Variants in ARNT observed in about 807,000 individuals in gnomAD.
The protein encoded by ARNT is aryl hydrocarbon receptor nuclear translocator, also known as class E basic helix-loop-helix protein 2.
In ARNT, 30 loss-of-function variants were observed where a neutral mutation model predicts 105.0. That is an observed-to-expected ratio of 0.29 (90% CI 0.21 to 0.39). The LOEUF (loss-of-function observed/expected upper bound fraction) is 0.39. Ranked by LOEUF, ARNT falls within the 10% of genes least tolerant of loss-of-function variation. The pLI, the probability that ARNT is intolerant of heterozygous loss-of-function variation, is 1.00. For missense variants in ARNT, 748 were observed against 978.7 expected (o/e 0.76, Z 3.15); for synonymous variants, 304 against 344.0 (o/e 0.88, Z 1.29).
At chr1:150,869,367 C>T (rs1667103281) in intron 1 of ARNT, among the ~76,000 whole-genome samples, 2 of 151,876 alleles carry the variant, frequency 1.3e-5, no homozygotes, top group Admixed American at 1.3e-4. Flanking sequence ...GTCCCAGCTA[C>T]TCGCGAGGAT....
At chr1:150,855,571 T>A (rs956050735) in intron 2 of ARNT, among the ~76,000 whole-genome samples, 11 of 151,376 alleles carry the variant, frequency 7.3e-5, no homozygotes, top group African/African-American at 1.7e-4. Context: ...CAAAAAAAAA[T>A]AAATAAAAAT....
Position 150,826,609 on chromosome 1 carries a change from T to G in ARNT, c.1176A>C (p.Leu392Phe). Residue 392 changes from leucine to phenylalanine, a missense_variant, in exon 13 of 22, where the codon TTA becomes TTC. By Grantham distance (22) the Leu-to-Phe change is conservative (BLOSUM62 0). Around this residue, in one of 4 missense-constraint regions of ARNT, gnomAD observed 291 missense variants for 444.6 expected, o/e 0.65. Transcript: ENST00000358595. ...GACAGAATTCTACAATATTCTTTCC[T>G]AAGAGTTCCTAGAATACAGAAAGAA... ...ATVGYQPQELLGKNIVEFCHP... is the reference protein window; with the variant it reads ...ATVGYQPQELFGKNIVEFCHP... 6.2e-7 allele frequency: 1 copy of G among 1,609,650 alleles called. No individual in the cohort carries two copies. The highest frequency in any genetic ancestry group is 8.5e-7 in the Non-Finnish European group (1 of 1,176,634).
At chr1:150,839,760 C>T in intron 5 of ARNT, 106 bp from the exon 6 acceptor site, 1 of 1,191,516 alleles carries the variant, frequency 8.4e-7, no homozygotes. Context: ...ATGTGGTATT[C>T]AGATTTAGTG....
intron 3 of ARNT, among the ~76,000 whole-genome samples, chr1:150,851,549 T>C (rs1205835331): frequency 6.6e-6 from 1 of 152,216 alleles, no homozygotes; most frequent in Non-Finnish European, 1.5e-5. Flanking sequence ...TGTTGATCTA[T>C]GACCTTACCC....
Position 150,849,891 on chromosome 1 carries a change from C to T in ARNT, c.182+2871G>A, listed in dbSNP as rs752462701. Among the ~76,000 whole-genome samples, 9 of 152,038 alleles carry T rather than the reference C, an allele frequency of 5.9e-5. No homozygotes were observed. In the East Asian group the frequency reaches 7.7e-4, roughly 13 times the overall value. ...ACCAGTCTGGCTAACATGGTGAAAC[C>T]CCGTCTCTACTAAAAATACAAAAAT... On this transcript the variant is annotated intron_variant, in intron 3 of 21. Coordinates refer to ENST00000358595, the MANE Select transcript of ARNT (RefSeq NM_001668.4).
rs587745632 is a variant in ARNT at position 150,837,877 on chromosome 1, G to A, written c.487-1384C>T. 6.1e-4 allele frequency among the ~76,000 whole-genome samples: 92 copies of A among 150,766 alleles called. No individual in the cohort carries two copies. The Middle Eastern group carries it at 0.01, about 17-fold the overall frequency. On this transcript the variant is annotated intron_variant, in intron 6 of 21. Transcript: ENST00000358595. ...TCCCTCTTAAAAAAAAAAACCTGCC[G>A]TGCTCTTCCAATATTCTTAACAGCA...
intron 13 of ARNT, among the ~76,000 whole-genome samples, chr1:150,824,698 G>A (rs1209313992): frequency 1.3e-5 from 2 of 151,676 alleles, no homozygotes. Context: ...CAAATGATCC[G>A]CCTGCCTTGG....
chr1:150,816,825 T>C lies in ARNT; in HGVS notation c.1765A>G (p.Thr589Ala). The C allele has an allele frequency of 1.3e-6, 2 of 1,589,770 alleles. No homozygotes were observed. The highest frequency in any genetic ancestry group is 2.2e-5 in the East Asian group (1 of 44,794). The stretch of plus-strand genomic sequence containing the variant: ...GCCGGCCGGGGGGTAGGAGGGAATG[T>C]GTTGCCCTGGGAGAATAGCTGTTGG... ...ATQQLFSQGN[T>A]FPPTPRPAEN... The change falls in exon 18 of 22, where the codon ACA (threonine) becomes GCA (alanine). Residue 589 changes from threonine to alanine, a missense_variant. By Grantham distance (58) the Thr-to-Ala change is moderately conservative (BLOSUM62 0). Transcript: ENST00000358595.
At chr1:150,826,745 A>T in intron 12 of ARNT, 128 bp from the exon 13 acceptor site, 1 of 604,412 alleles carries the variant, frequency 1.7e-6, no homozygotes, top group South Asian at 2.2e-5. Context: ...CCTGAGTTCA[A>T]GCAATTTTCC....
At chr1:150,864,328 G>C (rs777368066) in intron 1 of ARNT, among the ~76,000 whole-genome samples, 1 of 151,956 alleles carries the variant, frequency 6.6e-6, no homozygotes, top group African/African-American at 2.4e-5. Flanking sequence ...CAACTGTGAA[G>C]AGCTGTAAAG....
At chr1:150,821,633 T>C (rs1261620967) in intron 14 of ARNT, among the ~76,000 whole-genome samples, 1 of 152,124 alleles carries the variant, frequency 6.6e-6, no homozygotes, top group Non-Finnish European at 1.5e-5. Flanking sequence ...TGTGTATGTA[T>C]ACGTTGTGAT....
rs190667944 is a variant in ARNT, at chr1:150,821,673, G to C, written c.1394+1521C>G. On this transcript the variant is annotated intron_variant, in intron 14 of 21. Transcript: ENST00000358595. ...TTTTATTTTTATTTTTTTTGAGATG[G>C]AGTCTCCCTCTGTCACCCAGGCTGG... Among the ~76,000 whole-genome samples, 3 of 151,892 alleles carry C rather than the reference G, an allele frequency of 2.0e-5. No individual in the cohort carries two copies. The East Asian group carries it at 5.8e-4, about 29-fold the overall frequency.
At position 150,816,283 on chromosome 1, in the gene ARNT, A is replaced by T. The variant is rs1655860081; in HGVS notation, c.1926T>A (p.Thr642=). ...TQGATPTWTP[T]TRSGFSAQQV... ...CCTGGGCAGAAAAGCCTGAGCGGGT[A>T]GTAGGGGTCCAAGTTGGGGTTGCTC... The change falls in exon 19 of 22, where the codon ACT becomes ACA. Residue 642 remains threonine, a synonymous_variant. Coordinates refer to ENST00000358595, the MANE Select transcript of ARNT (RefSeq NM_001668.4). The T allele has an allele frequency of 6.2e-7, 1 of 1,606,618 alleles. No homozygotes were observed. The highest frequency in any genetic ancestry group is 8.5e-7 in the Non-Finnish European group (1 of 1,177,900).
At position 150,846,191 on chromosome 1, in the gene ARNT, A is replaced by G. The variant is rs1662169764; in HGVS notation, c.227+72T>C. 3.0e-6 allele frequency: 4 copies of G among 1,335,778 alleles called. No individual in the cohort carries two copies. The African/African-American group carries it at 5.9e-5, about 20-fold the overall frequency. 82.7% of individuals were successfully genotyped at this position (1,335,778 alleles called of 1,614,324 possible). On this transcript the variant is annotated intron_variant, in intron 4 of 21. Coordinates refer to ENST00000358595, the MANE Select transcript of ARNT (RefSeq NM_001668.4). ...CTCATCCAGAAAAAATTAAGTCAAT[A>G]TGCTAGGACTGTCTGGTTCTACAAC...
chr1:150,853,733 G>T (rs587671962), intron 2 of ARNT, among the ~76,000 whole-genome samples: 41 of 152,288 alleles, frequency 2.7e-4, no homozygotes, highest in African/African-American at 9.4e-4. Flanking sequence ...CACATAAGGG[G>T]TACAATCAAC....
intron 8 of ARNT, among the ~76,000 whole-genome samples, chr1:150,833,111 T>C (rs747587987): frequency 1.3e-5 from 2 of 152,202 alleles, no homozygotes; most frequent in Non-Finnish European, 2.9e-5. Context: ...AATGTAGTCA[T>C]GTAATCATCC....
chr1:150,872,402 T>A (rs1055640024), intron 1 of ARNT, among the ~76,000 whole-genome samples: 10 of 152,124 alleles, frequency 6.6e-5, no homozygotes, highest in African/African-American at 1.2e-4. Flanking sequence ...CTAAAAAAAA[T>A]TTTCTTCCTA....
chr1:150,858,051 T>C (rs1311162634), intron 2 of ARNT, among the ~76,000 whole-genome samples: 3 of 152,296 alleles, frequency 2.0e-5, no homozygotes, highest in Middle Eastern at 3.4e-3. Context: ...CAAAGCTTAA[T>C]GAAAGCAGCA....
chr1:150,826,162 G>A (rs1658207308), intron 13 of ARNT, among the ~76,000 whole-genome samples: 1 of 152,152 alleles, frequency 6.6e-6, no homozygotes, highest in African/African-American at 2.4e-5. Flanking sequence ...TGATCCACCT[G>A]CCTCAGCCTC....
Sources: gnomAD v4.1 joint callset for allele counts (sites outside exome capture counted in the v4.1 genomes callset) on GRCh38, gnomAD v4.1.1 for gene constraint, gnomAD v4.1.1 regional missense constraint, MANE v1.5 for transcripts, NCBI Gene and HGNC (gene_info 2026-07-23, HGNC 2026-07-21) for gene names.